CREB5: variants seen among roughly 807,000 people sequenced by gnomAD.
CREB5 encodes cAMP responsive element binding protein 5, also known as cyclic AMP-responsive element-binding protein 5.
A neutral mutation model predicts 57.1 loss-of-function variants in CREB5; 19 were observed. The ratio of observed to expected loss-of-function variants is 0.33; its 90% CI spans 0.23 to 0.49. CREB5 has a LOEUF of 0.49. CREB5 is among the 20% of genes least tolerant of loss of function. CREB5 has a pLI of 0.99. For synonymous variants in CREB5, 238 were observed against 238.3 expected, an observed-to-expected ratio of 1.00 and a Z score of 0.01; for missense variants, 579 against 671.6, an observed-to-expected ratio of 0.86 and a Z score of 1.52.
At chr7:28,330,401 C>CTTTTTTTTTTTTTTTT (rs10699932) in intron 1 of CREB5, among the ~76,000 whole-genome samples, 25 of 88,520 alleles carry the variant, frequency 2.8e-4, no homozygotes, top group African/African-American at 3.4e-4. Context: ...GAGAACCTTA[C>CTTTTTTTTTTTTTTTT]TTTTTTTTTT....
At chr7:28,563,822 C>CT (rs5883150) in intron 4 of CREB5, among the ~76,000 whole-genome samples, 137,233 of 152,212 alleles carry the variant, frequency 0.9, 62,077 homozygotes, top group African/African-American at 0.97. Flanking sequence ...TGTTTCTTAC[C>CT]TGCCCTGTGT....
intron 1 of CREB5, among the ~76,000 whole-genome samples, chr7:28,300,569 C>T (rs946453249): frequency 6.6e-6 from 1 of 152,052 alleles, no homozygotes; most frequent in Non-Finnish European, 1.5e-5. Flanking sequence ...TTCATACTAG[C>T]AGTAAAAAAA....
At chr7:28,749,929 G>T (rs1804885535) in intron 7 of CREB5, among the ~76,000 whole-genome samples, 1 of 147,774 alleles carries the variant, frequency 6.8e-6, no homozygotes, top group Non-Finnish European at 1.5e-5. Context: ...GCAACTGATA[G>T]TTTTTTTTTT....
chr7:28,387,913 A>G (rs1787143845), intron 1 of CREB5, among the ~76,000 whole-genome samples: 1 of 152,230 alleles, frequency 6.6e-6, no homozygotes, highest in Non-Finnish European at 1.5e-5. Context: ...CTAACATTTT[A>G]CACTTGGTTA....
At chr7:28,369,181 T>G (rs1786655799) in intron 1 of CREB5, among the ~76,000 whole-genome samples, 1 of 152,224 alleles carries the variant, frequency 6.6e-6, no homozygotes, top group Non-Finnish European at 1.5e-5. Context: ...GAGTCAAACA[T>G]GTAGTAGTAG....
chr7:28,647,404 C>T (rs376811854), intron 5 of CREB5, among the ~76,000 whole-genome samples: 20 of 151,826 alleles, frequency 1.3e-4, no homozygotes, highest in South Asian at 2.1e-4. Context: ...GATTAGATGC[C>T]GGATACCTCC....
At chr7:28,489,929 A>G (rs1791726452) in intron 2 of CREB5, among the ~76,000 whole-genome samples, 1 of 152,234 alleles carries the variant, frequency 6.6e-6, no homozygotes, top group Non-Finnish European at 1.5e-5. Flanking sequence ...TTGTGGATGC[A>G]GAATGTCACT....
At chr7:28,410,762 T>G (rs549798369), upstream of CREB5, 1 of 356,410 alleles carries the variant, frequency 2.8e-6, no homozygotes, top group Non-Finnish European at 5.5e-6. Context: ...TACGTCATTC[T>G]GCAGGCCAGT....
intron 4 of CREB5, among the ~76,000 whole-genome samples, chr7:28,514,276 G>A (rs1274750752): frequency 6.6e-6 from 1 of 152,210 alleles, no homozygotes; most frequent in Non-Finnish European, 1.5e-5. Flanking sequence ...CAAAGTGAAG[G>A]GGGGAGGTGG....
intron 1 of CREB5, among the ~76,000 whole-genome samples, chr7:28,416,385 T>C (rs1422626032): frequency 6.6e-6 from 1 of 152,216 alleles, no homozygotes; most frequent in Non-Finnish European, 1.5e-5. Flanking sequence ...TAGCTGACTA[T>C]TAGAAGAAAT....
intron 1 of CREB5, among the ~76,000 whole-genome samples, chr7:28,434,559 T>C (rs1261659260): frequency 6.6e-6 from 1 of 152,160 alleles, no homozygotes; most frequent in Non-Finnish European, 1.5e-5. Flanking sequence ...CAAGACAAAA[T>C]GTTGTATCTC....
intron 5 of CREB5, among the ~76,000 whole-genome samples, chr7:28,576,263 A>G (rs367678211): frequency 6.6e-6 from 1 of 152,234 alleles, no homozygotes; most frequent in African/African-American, 2.4e-5. Flanking sequence ...AAGGAAGCTA[A>G]TATTTATTCA....
At chr7:28,632,762 T>A (rs929790723) in intron 5 of CREB5, among the ~76,000 whole-genome samples, 1 of 152,166 alleles carries the variant, frequency 6.6e-6, no homozygotes, top group African/African-American at 2.4e-5. Flanking sequence ...CAGCCCCTGA[T>A]CTCAGTCACC....
At chr7:28,353,518 A>C (rs1432497632) in intron 1 of CREB5, among the ~76,000 whole-genome samples, 1 of 152,112 alleles carries the variant, frequency 6.6e-6, no homozygotes, top group Non-Finnish European at 1.5e-5. Flanking sequence ...TATAAGATAA[A>C]GTGTTTCAGG....
chr7:28,311,014 C>T (rs1178708532), intron 1 of CREB5, among the ~76,000 whole-genome samples: 1 of 151,836 alleles, frequency 6.6e-6, no homozygotes, highest in East Asian at 1.9e-4. Flanking sequence ...ATATTTTAGG[C>T]CAGGCACCGT....
At chr7:28,717,423 G>A (rs1802755526) in intron 5 of CREB5, among the ~76,000 whole-genome samples, 1 of 152,176 alleles carries the variant, frequency 6.6e-6, no homozygotes, top group African/African-American at 2.4e-5. Flanking sequence ...GGCAAAAAGA[G>A]TGGAAAACTT....
chr7:28,398,517 G>A (rs929989677), intron 1 of CREB5, among the ~76,000 whole-genome samples: 1 of 152,130 alleles, frequency 6.6e-6, no homozygotes, highest in East Asian at 1.9e-4. Flanking sequence ...GGGGCTTCAA[G>A]TTTAAAAATC....
Position 28,724,237 on chromosome 7 carries a change from T to C in CREB5, c.607T>C (p.Ser203Pro). The C allele has an allele frequency of 6.2e-7, 1 of 1,613,184 alleles. No homozygotes were observed. Among genetic ancestry groups the C allele is most frequent in the Non-Finnish European group, 8.5e-7 (1 of 1,179,686 alleles). Residue 203 changes from serine to proline, a missense_variant, in exon 7 of 11, where the codon TCA becomes CCA. By Grantham distance (74) the Ser-to-Pro change is moderately conservative. Around this residue, in one of 3 missense-constraint regions of CREB5, gnomAD observed 459 missense variants for 515.7 expected, o/e 0.89. Coordinates refer to ENST00000357727, the MANE Select transcript of CREB5 (RefSeq NM_182898.4). ...AVLMPMERQM[S>P]VNSSIMGMQG... ...TTTCTCTTAGATGGAGCGACAAATGTCAGTGAACTCCAGCATCATGGGGAT... is the reference window on the plus strand; with the variant it reads ...TTTCTCTTAGATGGAGCGACAAATGCCAGTGAACTCCAGCATCATGGGGAT...
chr7:28,440,138 G>A (rs549082366), intron 1 of CREB5, among the ~76,000 whole-genome samples: 6 of 152,220 alleles, frequency 3.9e-5, no homozygotes, highest in South Asian at 2.1e-4. Context: ...TCCTCTCCAC[G>A]TGACAGTAAA....
Sources: gnomAD v4.1 joint callset for allele counts (sites outside exome capture counted in the v4.1 genomes callset) on GRCh38, gnomAD v4.1.1 for gene constraint, gnomAD v4.1.1 regional missense constraint, MANE v1.5 for transcripts, NCBI Gene and HGNC (gene_info 2026-07-23, HGNC 2026-07-21) for gene names.